UPRT: variants seen among roughly 807,000 people sequenced by gnomAD.
UPRT encodes RP11-311P8.3.
A neutral mutation model predicts 22.6 loss-of-function variants in UPRT; 5 were observed. The ratio of observed to expected loss-of-function variants is 0.22; its 90% CI spans 0.12 to 0.47. UPRT has a LOEUF of 0.47. UPRT is among the 20% of genes least tolerant of loss of function. The probability of loss-of-function intolerance (pLI) is 0.99; values close to 1 mark genes in which losing one functional copy is unlikely to be tolerated. For missense variants in UPRT, 181 were observed against 239.9 expected, an observed-to-expected ratio of 0.75 and a Z score of 1.62; for synonymous variants, 77 against 87.7, an observed-to-expected ratio of 0.88 and a Z score of 0.68.
chrX:75,164,043 T>G (rs2082207045), intron 3 of UPRT, among the ~76,000 whole-genome samples: 2 of 111,198 alleles, frequency 1.8e-5, no homozygotes, highest in Non-Finnish European at 3.8e-5. Flanking sequence ...CTGGGTGTGG[T>G]GGCACATGCT....
At chrX:75,241,464 C>T (rs1272173668) in intron 4 of UPRT, among the ~76,000 whole-genome samples, 2 of 111,561 alleles carry the variant, frequency 1.8e-5, no homozygotes, top group Non-Finnish European at 3.8e-5. Context: ...AACACTTTTA[C>T]ACTGCTGTTG....
chrX:75,203,774 T>C (rs2082355480), intron 4 of UPRT, among the ~76,000 whole-genome samples: 1 of 111,749 alleles, frequency 8.9e-6, no homozygotes, highest in Admixed American at 9.5e-5. Flanking sequence ...TTGCACTTTT[T>C]CCCAGCAGAA....
chrX:75,162,171 C>T (rs1309895895), intron 2 of UPRT, among the ~76,000 whole-genome samples: 2 of 103,388 alleles, frequency 1.9e-5, no homozygotes, highest in East Asian at 3.0e-4. Flanking sequence ...AGGCTGGTCT[C>T]GAACTCCTGA....
chrX:75,280,863 G>A (rs1405444423), intron 1 of UPRT, among the ~76,000 whole-genome samples: 1 of 111,624 alleles, frequency 9.0e-6, no homozygotes, highest in Non-Finnish European at 1.9e-5. Flanking sequence ...GCTTTTGGCA[G>A]TATGATCATT....
chrX:75,235,269 A>G (rs1164584656), intron 4 of UPRT, among the ~76,000 whole-genome samples: 1 of 111,805 alleles, frequency 8.9e-6, no homozygotes, highest in Non-Finnish European at 1.9e-5. Flanking sequence ...GAGCAATAAC[A>G]GGCTCTGACA....
intron 4 of UPRT, among the ~76,000 whole-genome samples, chrX:75,193,434 T>C (rs2082322671): frequency 9.0e-6 from 1 of 111,512 alleles, no homozygotes; most frequent in Admixed American, 9.5e-5. Context: ...ATCTGACGAC[T>C]ATGTGTCTTG....
chrX:75,175,202 C>T (rs1359391934), intron 4 of UPRT, among the ~76,000 whole-genome samples: 1 of 111,117 alleles, frequency 9.0e-6, no homozygotes, highest in Non-Finnish European at 1.9e-5. Context: ...CTCCTAATGC[C>T]CAGACTTCAG....
intron 4 of UPRT, among the ~76,000 whole-genome samples, chrX:75,245,493 T>G (rs1469695059): frequency 8.9e-6 from 1 of 111,850 alleles, no homozygotes; most frequent in East Asian, 2.8e-4. Flanking sequence ...CATGCAAATT[T>G]ATGTTCACTG....
chrX:75,265,745 G>A (rs926723774), intron 4 of UPRT, among the ~76,000 whole-genome samples: 9 of 111,203 alleles, frequency 8.1e-5, no homozygotes, highest in African/African-American at 2.9e-4. Context: ...CTTTGGAGGA[G>A]GCGAGGCACT....
At chrX:75,219,989 G>A (rs138161440) in intron 4 of UPRT, among the ~76,000 whole-genome samples, 3,507 of 111,181 alleles carry the variant, frequency 0.032, 59 homozygotes, top group Middle Eastern at 0.093. Flanking sequence ...TGGATGATCT[G>A]TCTAATGCTG....
chrX:75,179,759 G>A (rs1311343620), intron 4 of UPRT, among the ~76,000 whole-genome samples: 1 of 113,330 alleles, frequency 8.8e-6, no homozygotes, highest in African/African-American at 3.2e-5. Context: ...CCACTGGCCC[G>A]GGTGCTAAGT....
chrX:75,277,253 A>T (rs922785457), intron 1 of UPRT, among the ~76,000 whole-genome samples: 1 of 111,486 alleles, frequency 9.0e-6, no homozygotes, highest in Non-Finnish European at 1.9e-5. Context: ...TAGATTTCAC[A>T]AAGTGTCATG....
At chrX:75,171,782 G>GGTAGTACTCT (rs2082228632) in intron 4 of UPRT, among the ~76,000 whole-genome samples, 1 of 111,088 alleles carries the variant, frequency 9.0e-6, no homozygotes, top group South Asian at 3.8e-4. Context: ...GTTCTCTTGA[G>GGTAGTACTCT]GTAGTACTCT....
At chrX:75,240,231 A>G (rs1341359624) in intron 4 of UPRT, among the ~76,000 whole-genome samples, 1 of 111,158 alleles carries the variant, frequency 9.0e-6, no homozygotes, top group Non-Finnish European at 1.9e-5. Context: ...GAGACCCGAT[A>G]ACTGAATTCA....
At chrX:75,269,311 G>A (rs1014180683), upstream of UPRT, among the ~76,000 whole-genome samples, 6 of 111,748 alleles carry the variant, frequency 5.4e-5, no homozygotes, top group East Asian at 2.8e-4. Context: ...AACCAATATC[G>A]TGAAAATGGC....
At chrX:75,237,980 C>G (rs980475089) in intron 4 of UPRT, among the ~76,000 whole-genome samples, 1 of 110,799 alleles carries the variant, frequency 9.0e-6, no homozygotes, top group Admixed American at 9.6e-5. Context: ...AAAAAGAATC[C>G]TAGATCTTGA....
chrX:75,182,864 G>T (rs769763035), intron 4 of UPRT, among the ~76,000 whole-genome samples: 2 of 109,755 alleles, frequency 1.8e-5, no homozygotes, highest in Middle Eastern at 4.3e-3. Context: ...GTATGATTTT[G>T]GTTATTTCTT....
At chrX:75,172,011 G>C (rs1364121341) in intron 4 of UPRT, among the ~76,000 whole-genome samples, 1 of 111,779 alleles carries the variant, frequency 8.9e-6, no homozygotes. Context: ...GACTCTGTGA[G>C]AGTCCTTAGT....
intron 4 of UPRT, among the ~76,000 whole-genome samples, chrX:75,261,551 G>A (rs1269145286): frequency 1.8e-5 from 2 of 111,404 alleles, no homozygotes; most frequent in East Asian, 5.6e-4. Flanking sequence ...ACCAACCAAA[G>A]TCTGGGACCG....
Sources: allele counts gnomAD v4.1 joint callset (sites outside exome capture counted in the v4.1 genomes callset), GRCh38; gene constraint gnomAD v4.1.1; transcripts MANE v1.5; gene names NCBI Gene and HGNC (gene_info 2026-07-23, HGNC 2026-07-21).